The following CEP112 variants were observed in gnomAD, a reference collection of about 807,000 sequenced individuals.
CEP112 encodes centrosomal protein of 112 kDa.
A neutral mutation model predicts 153.0 loss-of-function variants in CEP112; 127 were observed. The observed-to-expected ratio is 0.83, with a 90% CI of 0.72 to 0.96. CEP112 has a LOEUF of 0.96. Among genes scored for constraint, CEP112 ranks in the 40% least tolerant of loss-of-function variants. The pLI, the probability that CEP112 is intolerant of heterozygous loss-of-function variation, is 0.00. For synonymous variants in CEP112, 358 were observed against 374.4 expected, an observed-to-expected ratio of 0.96 and a Z score of 0.51; for missense variants, 1,089 against 1,101.2, an observed-to-expected ratio of 0.99 and a Z score of 0.16.
At chr17:66,055,957 A>T (rs2066666325) in intron 11 of CEP112, among the ~76,000 whole-genome samples, 2 of 152,186 alleles carry the variant, frequency 1.3e-5, no homozygotes, top group Admixed American at 1.3e-4. Context: ...ACTTTCCCAA[A>T]CCTAACAATG....
intron 21 of CEP112, among the ~76,000 whole-genome samples, chr17:65,760,456 T>C (rs2052545559): frequency 6.6e-6 from 1 of 151,976 alleles, no homozygotes; most frequent in South Asian, 2.1e-4. Context: ...TTTGCTGAGA[T>C]TTTTTTTCAT....
chr17:65,993,457 T>C (rs2063669072), intron 17 of CEP112, among the ~76,000 whole-genome samples: 1 of 152,160 alleles, frequency 6.6e-6, no homozygotes, highest in Non-Finnish European at 1.5e-5. Context: ...GTATAATATG[T>C]GTATTCTTAA....
intron 6 of CEP112, among the ~76,000 whole-genome samples, chr17:66,128,144 A>C (rs2069941526): frequency 1.3e-5 from 2 of 151,958 alleles, no homozygotes; most frequent in South Asian, 4.2e-4. Context: ...CTCTACTAAA[A>C]ATACAAAAAT....
At chr17:66,135,740 G>A (rs1484510722) in intron 4 of CEP112, among the ~76,000 whole-genome samples, 2 of 151,732 alleles carry the variant, frequency 1.3e-5, no homozygotes, top group Non-Finnish European at 2.9e-5. Flanking sequence ...TATTTCAACA[G>A]GAATTCACAA....
At chr17:65,763,266 TA>T (rs1374362683) in intron 21 of CEP112, among the ~76,000 whole-genome samples, 2 of 152,060 alleles carry the variant, frequency 1.3e-5, no homozygotes, top group Non-Finnish European at 2.9e-5. Context: ...GCATTTTGAA[TA>T]TGGTATGCCT....
chr17:65,659,014 T>TAAAAA (rs2046206947), intron 24 of CEP112, among the ~76,000 whole-genome samples: 1 of 19,934 alleles, frequency 5.0e-5, no homozygotes, highest in African/African-American at 3.4e-4. Context: ...AGACTCTGTC[T>TAAAAA]CAAAAAAAAA....
intron 17 of CEP112, among the ~76,000 whole-genome samples, chr17:65,976,306 C>CTGAA (rs1399466434): frequency 6.6e-6 from 1 of 152,218 alleles, no homozygotes; most frequent in Admixed American, 6.5e-5. Flanking sequence ...TTCTATCTTC[C>CTGAA]TGAATGTGTT....
chr17:66,109,523 G>A (rs2068928466), intron 6 of CEP112, among the ~76,000 whole-genome samples: 1 of 151,790 alleles, frequency 6.6e-6, no homozygotes, highest in South Asian at 2.1e-4. Context: ...TAGGAGAAGA[G>A]TTTACAAAGA....
chr17:65,774,086 C>CAAAAA (rs10647121), intron 21 of CEP112, among the ~76,000 whole-genome samples: 1 of 125,676 alleles, frequency 8.0e-6, no homozygotes, highest in Non-Finnish European at 1.7e-5. Context: ...GGCTCCATCT[C>CAAAAA]AAAAAAAAAA....
chr17:66,191,421 TA>T lies in CEP112; in HGVS notation c.-9+575del, dbSNP rs2073159248. Among the ~76,000 whole-genome samples, 2 of 152,202 alleles carry T rather than the reference TA, an allele frequency of 1.3e-5. No individual in the cohort carries two copies. Among genetic ancestry groups the T allele is most frequent in the African/African-American group, 2.4e-5 (1 of 41,470 alleles). ...TACTTATGTCGTTCTCTTGAACACT[TA>T]AAAATAATTAACTCAGAAACACAGG... is the stretch of plus-strand genomic sequence containing the variant. On this transcript the variant is annotated intron_variant, in intron 1 of 26. Transcript: ENST00000535342. This position sits in a 1 kb window ranked among gnomAD's most constrained non-coding sequence, Gnocchi z 4.2.
In CEP112 at chr17:66,149,888, G is replaced by GTTT. The variant is rs71160535; in HGVS notation, c.471-17128_471-17126dup. ...TTAGGGTTTTTTTTTTTGTTTGTTT[G>GTTT]TTTTTTTTTTTTTTTTTTTTTGAGA... On this transcript the variant is annotated intron_variant, in intron 4 of 26. Coordinates refer to ENST00000535342, the MANE Select transcript of CEP112 (RefSeq NM_001199165.4). Among the ~76,000 whole-genome samples, 533 of 54,616 alleles carry GTTT rather than the reference G, an allele frequency of 9.8e-3. 57 individuals are homozygous for GTTT. The highest frequency in any genetic ancestry group is 0.013 in the Non-Finnish European group (433 of 32,654). The allele number at this position is 54,616 out of a possible 152,430, so 35.8% of individuals were successfully genotyped here. A position where few individuals can be genotyped will look rare whatever the true frequency, so the allele number is the denominator to read the frequency against.
At chr17:66,035,460 T>C (rs9915034) in intron 12 of CEP112, among the ~76,000 whole-genome samples, 78,252 of 151,886 alleles carry the variant, frequency 0.52, 21,088 homozygotes, top group African/African-American at 0.59. Context: ...GTTGGTGAAG[T>C]TGTGGAGAAA....
At chr17:65,976,123 CCT>C (rs2063025496) in intron 17 of CEP112, among the ~76,000 whole-genome samples, 1 of 152,236 alleles carries the variant, frequency 6.6e-6, no homozygotes, top group African/African-American at 2.4e-5. Flanking sequence ...TGTTCAGCCC[CCT>C]GCCTCTCTCC....
intron 24 of CEP112, among the ~76,000 whole-genome samples, chr17:65,654,423 T>C (rs1598209806): frequency 6.6e-6 from 1 of 152,294 alleles, no homozygotes; most frequent in South Asian, 2.1e-4. Flanking sequence ...GCAATAGGAG[T>C]CCTCCATTCC....
chr17:65,719,879 G>A (rs567908165), intron 23 of CEP112, among the ~76,000 whole-genome samples: 4 of 152,218 alleles, frequency 2.6e-5, no homozygotes, highest in South Asian at 2.1e-4. Flanking sequence ...CCTCAGGGCC[G>A]TGGGGACCCA....
intron 19 of CEP112, among the ~76,000 whole-genome samples, chr17:65,905,702 G>C (rs1209039488): frequency 6.6e-6 from 1 of 152,154 alleles, no homozygotes; most frequent in African/African-American, 2.4e-5. Context: ...GGCTGAGGCA[G>C]GTGGATCACG....
At chr17:65,668,337 G>C (rs2046802031) in intron 24 of CEP112, among the ~76,000 whole-genome samples, 1 of 152,084 alleles carries the variant, frequency 6.6e-6, no homozygotes, top group Admixed American at 6.5e-5. Flanking sequence ...CTAATCCCCA[G>C]GGCCCTCCAG....
chr17:65,772,773 T>C (rs1003498417), intron 21 of CEP112, among the ~76,000 whole-genome samples: 7 of 151,990 alleles, frequency 4.6e-5, no homozygotes, highest in Admixed American at 6.6e-5. Context: ...AGTGAATAAA[T>C]AAAATACTGC....
intron 21 of CEP112, among the ~76,000 whole-genome samples, chr17:65,775,204 G>A (rs1379010733): frequency 6.6e-6 from 1 of 151,990 alleles, no homozygotes; most frequent in Non-Finnish European, 1.5e-5. Flanking sequence ...CGAGCCAACT[G>A]GGCCTGCCTG....
Sources: gnomAD v4.1 joint callset for allele counts (sites outside exome capture counted in the v4.1 genomes callset) on GRCh38, gnomAD v4.1.1 for gene constraint, Gnocchi (gnomAD v3.1) non-coding constraint, MANE v1.5 for transcripts, NCBI Gene and HGNC (gene_info 2026-07-23, HGNC 2026-07-21) for gene names.